GUCY1A2: variants seen among roughly 807,000 people sequenced by gnomAD.
GUCY1A2 encodes guanylate cyclase 1 soluble subunit alpha 2, also known as guanylate cyclase soluble subunit alpha-2.
GUCY1A2 carries 27 observed loss-of-function variants against 63.5 expected under a neutral mutation model. The ratio of observed to expected loss-of-function variants is 0.43; its 90% CI spans 0.31 to 0.59. The LOEUF (loss-of-function observed/expected upper bound fraction) is 0.59, where lower values mean the gene tolerates loss of function less well. Ranked by LOEUF, GUCY1A2 falls within the 20% of genes least tolerant of loss-of-function variation. The pLI, the probability that GUCY1A2 is intolerant of heterozygous loss-of-function variation, is 0.11. For synonymous variants in GUCY1A2, 364 were observed against 343.5 expected, an observed-to-expected ratio of 1.06 and a Z score of -0.66; for missense variants, 768 against 913.3, an observed-to-expected ratio of 0.84 and a Z score of 2.05.
chr11:106,741,848 C>T (rs11211889), intron 6 of GUCY1A2, among the ~76,000 whole-genome samples: 3,639 of 152,240 alleles, frequency 0.024, 57 homozygotes, highest in Admixed American at 0.035. Flanking sequence ...CAATCAAGTG[C>T]ACTGAATCCT....
intron 3 of GUCY1A2, among the ~76,000 whole-genome samples, chr11:106,966,099 TTCTTC>T (rs1420947883): frequency 1.3e-5 from 2 of 152,198 alleles, no homozygotes; most frequent in African/African-American, 4.8e-5. Context: ...TGGCTTATTT[TTCTTC>T]TCTTTTCTTT....
intron 4 of GUCY1A2, among the ~76,000 whole-genome samples, chr11:106,815,839 C>T (rs1183491336): frequency 1.3e-5 from 2 of 151,704 alleles, no homozygotes; most frequent in Non-Finnish European, 2.9e-5. Context: ...AAGAAAGAGA[C>T]ATAGATTAGA....
intron 1 of GUCY1A2, among the ~76,000 whole-genome samples, chr11:107,006,056 A>C (rs1341223586): frequency 6.6e-6 from 1 of 152,228 alleles, no homozygotes; most frequent in Non-Finnish European, 1.5e-5. Context: ...TTTAATCTTC[A>C]TAATCCTATG....
intron 6 of GUCY1A2, among the ~76,000 whole-genome samples, chr11:106,720,139 C>T (rs560079229): frequency 3.2e-4 from 48 of 152,212 alleles, no homozygotes; most frequent in Non-Finnish European, 6.0e-4. Flanking sequence ...CCTCCTCAGA[C>T]TTAATGCATT....
intron 5 of GUCY1A2, among the ~76,000 whole-genome samples, chr11:106,777,833 T>G (rs1213267140): frequency 6.6e-6 from 1 of 151,940 alleles, no homozygotes; most frequent in South Asian, 2.1e-4. Context: ...GTATAATTTT[T>G]AAAAAAAGGA....
At chr11:106,788,563 A>G (rs973849628) in intron 5 of GUCY1A2, among the ~76,000 whole-genome samples, 2 of 152,154 alleles carry the variant, frequency 1.3e-5, no homozygotes, top group Non-Finnish European at 2.9e-5. Context: ...TGATTTTTCT[A>G]TATGATGACA....
At chr11:106,966,250 G>A (rs1347069135) in intron 3 of GUCY1A2, among the ~76,000 whole-genome samples, 1 of 152,040 alleles carries the variant, frequency 6.6e-6, no homozygotes. Context: ...TGGGATTACA[G>A]GTGCCCATAC....
chr11:106,843,199 G>T (rs1859224200), intron 4 of GUCY1A2, among the ~76,000 whole-genome samples: 1 of 151,804 alleles, frequency 6.6e-6, no homozygotes, highest in African/African-American at 2.4e-5. Flanking sequence ...GTAGCTTAAA[G>T]GAGTAATAAG....
intron 4 of GUCY1A2, among the ~76,000 whole-genome samples, chr11:106,816,352 T>G (rs1858832043): frequency 6.6e-6 from 1 of 151,324 alleles, no homozygotes; most frequent in Non-Finnish European, 1.5e-5. Flanking sequence ...AATGTGAAAA[T>G]GAAACAACAC....
chr11:106,706,951 T>C (rs1862924947), intron 7 of GUCY1A2, among the ~76,000 whole-genome samples: 1 of 152,150 alleles, frequency 6.6e-6, no homozygotes, highest in African/African-American at 2.4e-5. Context: ...GTTTAAAAGA[T>C]GCAAATCCTC....
chr11:106,948,162 A>C (rs1860855978), intron 3 of GUCY1A2, among the ~76,000 whole-genome samples: 1 of 152,176 alleles, frequency 6.6e-6, no homozygotes, highest in Non-Finnish European at 1.5e-5. Context: ...ATGACTGCAA[A>C]GTTTTTAAAA....
intron 3 of GUCY1A2, among the ~76,000 whole-genome samples, chr11:106,947,666 C>T (rs1860848834): frequency 6.6e-6 from 1 of 151,690 alleles, no homozygotes; most frequent in Admixed American, 6.6e-5. Flanking sequence ...TAATAATAAA[C>T]AGAAATAACC....
chr11:106,827,828 C>A (rs896059581), intron 4 of GUCY1A2: 40 of 1,599,664 alleles, frequency 2.5e-5, no homozygotes, highest in Non-Finnish European at 3.3e-5. Context: ...AAGTGACGCC[C>A]GCGATGCCGC....
intron 4 of GUCY1A2, among the ~76,000 whole-genome samples, chr11:106,818,619 A>G (rs1300191233): frequency 6.7e-6 from 1 of 148,486 alleles, no homozygotes; most frequent in African/African-American, 2.6e-5. Context: ...ATCAAATGCT[A>G]GAAATGATTA....
chr11:106,744,283 G>C (rs1277460057), intron 6 of GUCY1A2, among the ~76,000 whole-genome samples: 4 of 126,068 alleles, frequency 3.2e-5, no homozygotes, highest in Non-Finnish European at 6.2e-5. Context: ...GTCTCGCTCT[G>C]TCACCCAGGC....
At chr11:106,923,858 T>C (rs1591329207) in intron 4 of GUCY1A2, among the ~76,000 whole-genome samples, 1 of 152,040 alleles carries the variant, frequency 6.6e-6, no homozygotes, top group African/African-American at 2.4e-5. Flanking sequence ...CTACCATATA[T>C]CAGAGGAAAT....
chr11:106,941,058 C>G (rs1453173956), intron 3 of GUCY1A2, among the ~76,000 whole-genome samples: 1 of 152,092 alleles, frequency 6.6e-6, no homozygotes, highest in African/African-American at 2.4e-5. Flanking sequence ...ACATGCAGGT[C>G]AGCTAGACCT....
chr11:106,765,193 C>T (rs1353374566), intron 6 of GUCY1A2, among the ~76,000 whole-genome samples: 1 of 151,964 alleles, frequency 6.6e-6, no homozygotes, highest in Non-Finnish European at 1.5e-5. Flanking sequence ...TAACCCCTAC[C>T]ACATAGTTGG....
chr11:106,904,711 T>C (rs1860180234), intron 4 of GUCY1A2, among the ~76,000 whole-genome samples: 1 of 151,990 alleles, frequency 6.6e-6, no homozygotes, highest in Non-Finnish European at 1.5e-5. Flanking sequence ...ATACATATTT[T>C]ATTTAGGTCC....
Sources: allele counts gnomAD v4.1 joint callset (sites outside exome capture counted in the v4.1 genomes callset), GRCh38; gene constraint gnomAD v4.1.1; transcripts MANE v1.5; gene names NCBI Gene and HGNC (gene_info 2026-07-23, HGNC 2026-07-21).